CTXND2: variants seen among roughly 807,000 people sequenced by gnomAD.
The protein encoded by CTXND2 is cortexin domain containing 2.
chr1:150,892,015 TAAG>T (rs1380401490), intron 1 of CTXND2, among the ~76,000 whole-genome samples: 4 of 152,154 alleles, frequency 2.6e-5, no homozygotes, highest in Non-Finnish European at 5.9e-5. Context: ...AAATTTGTGA[TAAG>T]GAGAATAAAT....
intron 1 of CTXND2, among the ~76,000 whole-genome samples, chr1:150,907,197 C>T (rs934945032): frequency 2.0e-5 from 3 of 152,200 alleles, no homozygotes; most frequent in Non-Finnish European, 4.4e-5. Flanking sequence ...ATATAATTCA[C>T]ATACAATTCA....
intron 1 of CTXND2, among the ~76,000 whole-genome samples, chr1:150,893,675 T>C (rs1668879983): frequency 6.6e-6 from 1 of 152,110 alleles, no homozygotes; most frequent in African/African-American, 2.4e-5. Flanking sequence ...CCCCGGCTGG[T>C]CTCAAACTCC....
At chr1:150,888,133 G>T (rs1169653908) in intron 1 of CTXND2, among the ~76,000 whole-genome samples, 4 of 151,756 alleles carry the variant, frequency 2.6e-5, no homozygotes, top group African/African-American at 9.7e-5. Flanking sequence ...ATTTTTGAAA[G>T]TGTATTTCTC....
chr1:150,897,126 C>A (rs1038167526), intron 1 of CTXND2, among the ~76,000 whole-genome samples: 7 of 152,036 alleles, frequency 4.6e-5, no homozygotes, highest in African/African-American at 1.4e-4. Flanking sequence ...AGCCTTGGAG[C>A]CCCATTAAGA....
chr1:150,903,480 A>C (rs1221675676), intron 1 of CTXND2, among the ~76,000 whole-genome samples: 1 of 151,898 alleles, frequency 6.6e-6, no homozygotes, highest in Non-Finnish European at 1.5e-5. Flanking sequence ...TATGAGATGA[A>C]AAAATAAAAT....
chr1:150,895,146 G>A (rs1668900892), intron 1 of CTXND2, among the ~76,000 whole-genome samples: 1 of 150,070 alleles, frequency 6.7e-6, no homozygotes. Flanking sequence ...ATTTTATTTT[G>A]GCTAGTCTTT....
At chr1:150,898,620 G>A (rs587695566) in intron 1 of CTXND2, among the ~76,000 whole-genome samples, 1 of 151,276 alleles carries the variant, frequency 6.6e-6, no homozygotes, top group East Asian at 2.0e-4. Flanking sequence ...GCTGGGCGTG[G>A]TGGTGCCCGC....
At chr1:150,897,095 A>G (rs1330923862) in intron 1 of CTXND2, among the ~76,000 whole-genome samples, 1 of 152,172 alleles carries the variant, frequency 6.6e-6, no homozygotes, top group African/African-American at 2.4e-5. Flanking sequence ...GTAAGAAATA[A>G]GGTTAGAATA....
chr1:150,906,361 C>T lies in CTXND2; in HGVS notation c.-73-5881C>T, dbSNP rs587693640. On this transcript the variant is annotated intron_variant, in intron 1 of 1. Coordinates refer to ENST00000636087, the Ensembl canonical transcript of CTXND2. ...GAGGGCAACTGGGAATTCTCATTATCGGCATTATGGGATGTACAAAATTTG... is the reference window on the plus strand; with the variant it reads ...GAGGGCAACTGGGAATTCTCATTATTGGCATTATGGGATGTACAAAATTTG... 2.6e-5 allele frequency among the ~76,000 whole-genome samples: 4 copies of T among 152,122 alleles called. No individual in the cohort carries two copies. The South Asian group carries it at 6.2e-4, about 24-fold the overall frequency.
intron 1 of CTXND2, among the ~76,000 whole-genome samples, chr1:150,903,146 C>T (rs934510198): frequency 8.5e-5 from 13 of 152,056 alleles, no homozygotes; most frequent in Non-Finnish European, 1.6e-4. Context: ...TAACCTGATG[C>T]GTCTGTTCTG....
intron 1 of CTXND2, among the ~76,000 whole-genome samples, chr1:150,889,480 C>A (rs1053024262): frequency 6.6e-6 from 1 of 151,814 alleles, no homozygotes; most frequent in African/African-American, 2.4e-5. Flanking sequence ...CAAATTTAAG[C>A]CCAGGAGTTT....
At chr1:150,897,561 G>A (rs1039670953) in intron 1 of CTXND2, among the ~76,000 whole-genome samples, 8 of 152,164 alleles carry the variant, frequency 5.3e-5, no homozygotes, top group African/African-American at 1.9e-4. Flanking sequence ...AAGCTCAAGC[G>A]ATCCACCTGC....
At chr1:150,907,431 C>G (rs587754586) in intron 1 of CTXND2, among the ~76,000 whole-genome samples, 1 of 152,128 alleles carries the variant, frequency 6.6e-6, no homozygotes, top group Non-Finnish European at 1.5e-5. Context: ...ATGCTGGGGG[C>G]GTTTGTGACT....
intron 1 of CTXND2, among the ~76,000 whole-genome samples, chr1:150,888,646 GA>G (rs1481014217): frequency 6.6e-6 from 1 of 151,830 alleles, no homozygotes; most frequent in African/African-American, 2.4e-5. Flanking sequence ...GGCATACTTA[GA>G]AACAAAACAG....
chr1:150,908,653 C>T (rs935959666), intron 1 of CTXND2, among the ~76,000 whole-genome samples: 2 of 151,964 alleles, frequency 1.3e-5, no homozygotes, highest in Non-Finnish European at 2.9e-5. Flanking sequence ...TATCAGGTCT[C>T]TCTCCGTCAC....
At chr1:150,905,262 G>C (rs1455262781) in intron 1 of CTXND2, among the ~76,000 whole-genome samples, 1 of 151,006 alleles carries the variant, frequency 6.6e-6, no homozygotes, top group African/African-American at 2.4e-5. Flanking sequence ...TCCTGCATCA[G>C]CCTCCCAAGT....
chr1:150,900,144 T>C (rs1235049697), intron 1 of CTXND2, among the ~76,000 whole-genome samples: 2 of 152,084 alleles, frequency 1.3e-5, no homozygotes, highest in Admixed American at 6.6e-5. Context: ...CTCTTCTCAA[T>C]AAATCTTCCT....
chr1:150,902,680 T>G (rs1669062040), intron 1 of CTXND2, among the ~76,000 whole-genome samples: 1 of 152,018 alleles, frequency 6.6e-6, no homozygotes, highest in Non-Finnish European at 1.5e-5. Context: ...TTTTGTATAG[T>G]TCTGGTAACT....
chr1:150,912,305 G>T, exon 2 of CTXND2: 1 of 398,592 alleles, frequency 2.5e-6, no homozygotes, highest in Non-Finnish European at 4.4e-6. Context: ...GTAACGAGGT[G>T]CAAGTCCCCA....
Sources: gnomAD v4.1 joint callset for allele counts (sites outside exome capture counted in the v4.1 genomes callset) on GRCh38, gnomAD v4.1.1 for gene constraint, MANE v1.5 for transcripts, NCBI Gene and HGNC (gene_info 2026-07-23, HGNC 2026-07-21) for gene names.